Variants in CYBC1 observed in about 807,000 individuals in gnomAD.
CYBC1 encodes the protein essential for reactive oxygen species protein.
CYBC1 carries 22 observed loss-of-function variants against 21.7 expected under a neutral mutation model. The ratio of observed to expected loss-of-function variants is 1.02; its 90% confidence interval spans 0.73 to 1.45. The LOEUF is 1.45. Ranked by LOEUF, CYBC1 falls within the 40% of genes most tolerant of loss-of-function variation. The probability of loss-of-function intolerance (pLI) is 0.00; values close to 1 mark genes in which losing one functional copy is unlikely to be tolerated. For synonymous variants in CYBC1, 112 were observed against 98.7 expected (o/e 1.13, Z -0.80); for missense variants, 237 against 242.1 (o/e 0.98, Z 0.14).
chr17:82,444,993 G>A (rs568047282), intron 5 of CYBC1: 9 of 173,894 alleles, frequency 5.2e-5, no homozygotes, highest in East Asian at 5.0e-4. Flanking sequence ...GTACTGGGGC[G>A]GTCCCAATGG....
chr17:82,449,069 AG>A (rs2054448100), intron 2 of CYBC1, 100 bp downstream of exon 2: 1 of 931,990 alleles, frequency 1.1e-6, no homozygotes, highest in Non-Finnish European at 1.6e-6. Context: ...TTAGATTTCA[AG>A]GTAATAGAAA....
rs575337426 is a variant in CYBC1, at chr17:82,446,870, A to G, written c.128-174T>C. ...GCCACTCAGGACCCACACGCGGCAC[A>G]CCCCACCCAGCTCTGACCCCCAGAG... On this transcript the variant is annotated intron_variant, in intron 3 of 6. Transcript: ENST00000306645. The G allele has an allele frequency of 5.1e-5, 32 of 625,298 alleles. No homozygotes were observed. The Admixed American group carries it at 6.4e-4, about 12-fold the overall frequency. The allele number at this position is 625,298 out of a possible 1,614,324, so 38.7% of individuals were successfully genotyped here.
intron 3 of CYBC1, chr17:82,447,329 G>A (rs1051632461): frequency 1.0e-4 from 54 of 541,946 alleles, no homozygotes; most frequent in East Asian, 3.0e-4. Flanking sequence ...CTCCAGCCTG[G>A]GTGACAGAGC....
Position 82,443,498 on chromosome 17 carries a change from A to G in CYBC1, c.*506T>C. ...TGACCGCTGGGGATGTCCACCAGGG[A>G]GAGGACGCTGTGTCGGGGACAACAT... On this transcript the variant is annotated 3_prime_UTR_variant, in exon 7 of 7. Coordinates refer to ENST00000306645, the MANE Select transcript of CYBC1 (RefSeq NM_001033046.4). The surrounding 1 kb of genome is among the most constrained non-coding windows in gnomAD (Gnocchi z 6.7). 1 of 696,120 alleles carries G rather than the reference A, an allele frequency of 1.4e-6. No individual in the cohort carries two copies. Among genetic ancestry groups the G allele is most frequent in the Non-Finnish European group, 2.6e-6 (1 of 381,308 alleles). The allele number at this position is 696,120 out of a possible 1,614,324, so 43.1% of individuals were successfully genotyped here.
At chr17:82,444,164 C>T (rs369524718) in intron 6 of CYBC1, 40 bp from the exon 7 acceptor site, 26 of 1,593,430 alleles carry the variant, frequency 1.6e-5, no homozygotes, top group African/African-American at 9.4e-5. Context: ...CAGGTCACCT[C>T]GGCATAGGGC....
In CYBC1 at chr17:82,442,591, G is replaced by C. The variant is rs1175990561; in HGVS notation, c.*1413C>G. ...AGCAGCACAGGGAGACCCGCTTTGT[G>C]ATCTGCATGTGTGACACTGATTCTT... On this transcript the variant is annotated 3_prime_UTR_variant, in exon 7 of 7. Coordinates refer to ENST00000306645, the MANE Select transcript of CYBC1 (RefSeq NM_001033046.4). This position sits in a 1 kb window ranked among gnomAD's most constrained non-coding sequence, Gnocchi z 6.8. 2 of 1,569,790 alleles carry C rather than the reference G, an allele frequency of 1.3e-6. No homozygotes were observed. The highest frequency in any genetic ancestry group is 2.3e-5 in the South Asian group (2 of 87,776).
At chr17:82,446,806 A>G in intron 3 of CYBC1, 110 bp from the exon 4 acceptor site, 1 of 1,118,060 alleles carries the variant, frequency 8.9e-7, no homozygotes, top group Non-Finnish European at 1.3e-6. Context: ...GCTTGCAAGG[A>G]CCCCCTGGGC....
rs767417429 is a variant in CYBC1 at position 82,443,734 on chromosome 17, A to C, written c.*270T>G. The stretch of plus-strand genomic sequence containing the variant: ...CAGCAGCATGAGCAGGCAATAGGCC[A>C]ACTCGGCTGGAGGCACCAACTGAAG... On this transcript the variant is annotated 3_prime_UTR_variant, in exon 7 of 7. Coordinates refer to ENST00000306645, the MANE Select transcript of CYBC1 (RefSeq NM_001033046.4). This position sits in a 1 kb window ranked among gnomAD's most constrained non-coding sequence, Gnocchi z 6.7. The C allele has an allele frequency of 1.2e-6, 1 of 815,566 alleles. No individual in the cohort carries two copies. The highest frequency in any genetic ancestry group is 1.7e-5 in the African/African-American group (1 of 60,356). The allele number at this position is 815,566 out of a possible 1,614,324, so 50.5% of individuals were successfully genotyped here.
At chr17:82,450,022 C>T (rs975505716) in intron 1 of CYBC1, 3 of 152,166 alleles carry the variant, frequency 2.0e-5, no homozygotes, top group Admixed American at 6.6e-5. Context: ...TGGCTCAGGC[C>T]TGTAATCTCA....
chr17:82,447,837 G>A (rs1475695803), intron 2 of CYBC1: 1 of 609,672 alleles, frequency 1.6e-6, no homozygotes, highest in Non-Finnish European at 2.9e-6. Context: ...TCACACACTT[G>A]TAATCCCAGC....
chr17:82,449,879 C>G (rs1240011178), intron 1 of CYBC1: 1 of 152,372 alleles, frequency 6.6e-6, no homozygotes, highest in Non-Finnish European at 1.5e-5. Context: ...CGCACGGGCG[C>G]AGCAGCCCTG....
chr17:82,450,137 C>G (rs1398346869), intron 1 of CYBC1: 1 of 152,124 alleles, frequency 6.6e-6, no homozygotes, highest in South Asian at 2.1e-4. Flanking sequence ...CATAAAACAG[C>G]CCGGTGTGGT....
chr17:82,450,472 A>G (rs9911854), intron 1 of CYBC1: 30,009 of 151,992 alleles, frequency 0.2, 3,540 homozygotes, highest in African/African-American at 0.29. Context: ...CCGCGCCGCT[A>G]GTCGCACCGA....
At chr17:82,449,325 G>A in intron 1 of CYBC1, 33 bp from the exon 2 acceptor site, 1 of 1,289,938 alleles carries the variant, frequency 7.8e-7, no homozygotes, top group Non-Finnish European at 1.0e-6. Context: ...GAGCCCTTGG[G>A]CCTGCACACA....
chr17:82,444,055 C>T lies in CYBC1; in HGVS notation c.513G>A (p.Glu171=), dbSNP rs1375633373. Residue 171 remains glutamate (E), a synonymous_variant, in exon 7 of 7, where the codon GAG becomes GAA. Transcript: ENST00000306645. ...LELHCLESPT[E]LSQSSDSEAG... ...CCTCACTGTCGCTGCTCTGAGACAG[C>T]TCTGTGGGGCTCTCAAGGCAGTGCA... 1.2e-6 allele frequency: 2 copies of T among 1,613,592 alleles called. No individual in the cohort carries two copies. Among genetic ancestry groups the T allele is most frequent in the Non-Finnish European group, 1.7e-6 (2 of 1,179,982 alleles).
intron 1 of CYBC1, chr17:82,449,519 G>A (rs929710494): frequency 5.1e-5 from 20 of 392,954 alleles, no homozygotes; most frequent in Non-Finnish European, 9.0e-5. Flanking sequence ...CAGCGACACC[G>A]ACTGCGCGGG....
chr17:82,442,677 C>G lies in CYBC1; in HGVS notation c.*1327G>C. On this transcript the variant is annotated 3_prime_UTR_variant, in exon 7 of 7. Coordinates refer to ENST00000306645, the MANE Select transcript of CYBC1 (RefSeq NM_001033046.4). The surrounding 1 kb of genome is among the most constrained non-coding windows in gnomAD (Gnocchi z 6.8). ...AAGGGTTATTTATGGTTATGATGAC[C>G]CTGTCCTGCAACGAGGGACTGGCAG... is the stretch of plus-strand genomic sequence containing the variant. The G allele has an allele frequency of 7.5e-7, 1 of 1,328,716 alleles. No homozygotes were observed. The highest frequency in any genetic ancestry group is 1.0e-6 in the Non-Finnish European group (1 of 965,026). 82.3% of individuals were successfully genotyped at this position (1,328,716 alleles called of 1,614,324 possible).
intron 3 of CYBC1, chr17:82,446,967 G>T: frequency 9.1e-6 from 5 of 546,696 alleles, no homozygotes; most frequent in East Asian, 3.1e-5. Flanking sequence ...TTGTGGCAGG[G>T]TGGGAAGTAC....
chr17:82,444,635 TGCTGCCCG>T, intron 5 of CYBC1, 44 bp from the exon 6 acceptor site: 1 of 1,558,784 alleles, frequency 6.4e-7, no homozygotes, highest in Non-Finnish European at 8.7e-7. Context: ...CGCCCACACA[TGCTGCCCG>T]GCAGTCGCAC....
Sources: gnomAD v4.1 joint callset for allele counts on GRCh38, gnomAD v4.1.1 for gene constraint, Gnocchi (gnomAD v3.1) non-coding constraint, MANE v1.5 for transcripts, NCBI Gene and HGNC (gene_info 2026-07-23, HGNC 2026-07-21) for gene names.